ANKRD11: variants seen among roughly 807,000 people sequenced by gnomAD.
The protein encoded by ANKRD11 is ankyrin repeat domain-containing protein 11.
A neutral mutation model predicts 195.7 loss-of-function variants in ANKRD11; 17 were observed. The observed-to-expected ratio is 0.09, with a 90% CI of 0.06 to 0.13. ANKRD11 has a LOEUF of 0.13. Ranked by LOEUF, ANKRD11 falls within the 10% of genes least tolerant of loss-of-function variation. ANKRD11 has a pLI of 1.00. For synonymous variants in ANKRD11, 1,953 were observed against 1,528.1 expected, an observed-to-expected ratio of 1.28 and a Z score of -6.49; for missense variants, 3,735 against 3,566.1, an observed-to-expected ratio of 1.05 and a Z score of -1.21.
At chr16:89,414,434 C>T (rs111466470) in intron 2 of ANKRD11, among the ~76,000 whole-genome samples, 78 of 152,260 alleles carry the variant, frequency 5.1e-4, no homozygotes, top group African/African-American at 1.8e-3. Context: ...GCAGCCGCAC[C>T]GCCTGAGAGG....
chr16:89,286,888 GATT>G, intron 7 of ANKRD11: 1 of 1,289,104 alleles, frequency 7.8e-7, no homozygotes, highest in Non-Finnish European at 1.0e-6. Context: ...TCCAGTCTGA[GATT>G]AGCGCATTCA....
chr16:89,276,049 T>A (rs2033624777), intron 9 of ANKRD11, among the ~76,000 whole-genome samples: 1 of 152,086 alleles, frequency 6.6e-6, no homozygotes, highest in African/African-American at 2.4e-5. Context: ...CACACGGTAA[T>A]GGCAAGGCGG....
intron 2 of ANKRD11, among the ~76,000 whole-genome samples, chr16:89,399,344 C>T (rs962505370): frequency 1.3e-5 from 2 of 152,166 alleles, no homozygotes; most frequent in South Asian, 4.2e-4. Flanking sequence ...CAGAATATTA[C>T]CAGGCCCTGA....
At chr16:89,323,946 ATGTT>A in intron 2 of ANKRD11, 1 of 218,796 alleles carries the variant, frequency 4.6e-6, no homozygotes, top group Non-Finnish European at 9.2e-6. Flanking sequence ...TACGGTTTGA[ATGTT>A]TGTGTCGGCC....
At chr16:89,488,223 G>A (rs2057685221) in intron 1 of ANKRD11, among the ~76,000 whole-genome samples, 1 of 152,170 alleles carries the variant, frequency 6.6e-6, no homozygotes, top group Non-Finnish European at 1.5e-5. Context: ...ACAAACTTAA[G>A]AGGCATCACG....
chr16:89,445,613 T>C (rs2043750194), intron 1 of ANKRD11, among the ~76,000 whole-genome samples: 1 of 152,154 alleles, frequency 6.6e-6, no homozygotes, highest in Non-Finnish European at 1.5e-5. Flanking sequence ...GCCTGACACC[T>C]GAATTCTTAC....
In ANKRD11 at chr16:89,285,786, A is replaced by G. The variant is rs1298413428; in HGVS notation, c.893-137T>C. On this transcript the variant is annotated intron_variant, in intron 8 of 12. Coordinates refer to ENST00000301030, the MANE Select transcript of ANKRD11 (RefSeq NM_013275.6). The surrounding 1 kb of genome is among the most constrained non-coding windows in gnomAD (Gnocchi z 5.6). ...TCTGCAGAGACACTTTGCTCGACTC[A>G]TGGAAACCAGCCACAGGCAGGAGGA... The G allele has an allele frequency of 8.9e-7, 1 of 1,127,618 alleles. No individual in the cohort carries two copies. Among genetic ancestry groups the G allele is most frequent in the African/African-American group, 1.5e-5 (1 of 64,908 alleles). 69.9% of individuals were successfully genotyped at this position (1,127,618 alleles called of 1,614,324 possible).
intron 3 of ANKRD11, among the ~76,000 whole-genome samples, chr16:89,308,569 C>T (rs1337351110): frequency 6.6e-6 from 1 of 152,152 alleles, no homozygotes; most frequent in African/African-American, 2.4e-5. Flanking sequence ...ACACCAGCAC[C>T]CCCACCAGGA....
At chr16:89,340,305 T>C (rs1249100527) in intron 2 of ANKRD11, among the ~76,000 whole-genome samples, 2 of 152,228 alleles carry the variant, frequency 1.3e-5, no homozygotes, top group Non-Finnish European at 2.9e-5. Context: ...TGAGACGGAG[T>C]CTCGCTCTGT....
chr16:89,359,030 T>TA (rs1491334254), intron 2 of ANKRD11, among the ~76,000 whole-genome samples: 1 of 152,110 alleles, frequency 6.6e-6, no homozygotes, highest in Non-Finnish European at 1.5e-5. Context: ...ATACATTTCT[T>TA]ATATATGTCT....
chr16:89,271,017 G>C (rs1252134247), intron 11 of ANKRD11, 108 bp from the exon 12 acceptor site: 2 of 1,004,642 alleles, frequency 2.0e-6, no homozygotes, highest in Non-Finnish European at 3.1e-6. Context: ...GACAACCACA[G>C]GGGGAGCCTC....
At position 89,285,526 on chromosome 16, in the gene ANKRD11, G is replaced by A; in HGVS notation, c.1016C>T (p.Ala339Val). The A allele has an allele frequency of 6.2e-7, 1 of 1,613,962 alleles. No individual in the cohort carries two copies. The highest frequency in any genetic ancestry group is 8.5e-7 in the Non-Finnish European group (1 of 1,179,916). The change falls in exon 9 of 13, where the codon GCC (alanine) becomes GTC (valine). Residue 339 changes from alanine (A) to valine (V), a missense_variant. Transcript: ENST00000301030. The surrounding 1 kb of genome is among the most constrained non-coding windows in gnomAD (Gnocchi z 5.6). ...HKAKNPEPQK[A>V]TAPVKDEYEF... is the part of the protein sequence containing the mutation. Reference sequence around the variant, plus strand: ...ATACTCGTCCTTGACGGGGGCCGTGGCCTTCTGTGGCTCTGGGTTCTTGGC... The same window carrying A: ...ATACTCGTCCTTGACGGGGGCCGTGACCTTCTGTGGCTCTGGGTTCTTGGC...
chr16:89,270,796 G>A lies in ANKRD11; in HGVS notation c.7806+21C>T, dbSNP rs1016319887. 4 of 1,609,762 alleles carry A rather than the reference G, an allele frequency of 2.5e-6. No individual in the cohort carries two copies. In the East Asian group the frequency reaches 8.9e-5, roughly 36 times the overall value. On this transcript the variant is annotated intron_variant, in intron 12 of 12. Coordinates refer to ENST00000301030, the MANE Select transcript of ANKRD11 (RefSeq NM_013275.6). ...GCAGCAGCCTCCCCCAGGCAGAACTGAGGGGACGCGCAACACCGACCTTCA... is the reference window on the plus strand; with the variant it reads ...GCAGCAGCCTCCCCCAGGCAGAACTAAGGGGACGCGCAACACCGACCTTCA...
At chr16:89,304,930 C>T (rs1033495077) in intron 4 of ANKRD11, among the ~76,000 whole-genome samples, 5 of 152,230 alleles carry the variant, frequency 3.3e-5, no homozygotes, top group Non-Finnish European at 5.9e-5. Context: ...CCCCATACCT[C>T]GCCCAGGGCT....
intron 4 of ANKRD11, among the ~76,000 whole-genome samples, chr16:89,294,086 G>A (rs865911899): frequency 6.6e-6 from 1 of 152,116 alleles, no homozygotes; most frequent in South Asian, 2.1e-4. Context: ...TGGGCTCCAG[G>A]GCCTGAGCCT....
intron 3 of ANKRD11, among the ~76,000 whole-genome samples, chr16:89,307,342 G>C (rs1016578995): frequency 6.6e-6 from 1 of 152,138 alleles, no homozygotes; most frequent in South Asian, 2.1e-4. Context: ...TCCACCAAAC[G>C]TGCATCCACC....
chr16:89,375,035 T>C (rs946197740), intron 2 of ANKRD11, among the ~76,000 whole-genome samples: 1 of 152,080 alleles, frequency 6.6e-6, no homozygotes, highest in Admixed American at 6.5e-5. Flanking sequence ...TAAACGCTTA[T>C]AAATACTTAC....
chr16:89,447,055 A>C (rs1157215472), intron 1 of ANKRD11, among the ~76,000 whole-genome samples: 1 of 151,402 alleles, frequency 6.6e-6, no homozygotes, highest in Admixed American at 6.6e-5. Flanking sequence ...ATCCCTCCCC[A>C]CCCTACGAAG....
chr16:89,354,958 G>C (rs1029090952), intron 2 of ANKRD11, among the ~76,000 whole-genome samples: 1 of 152,198 alleles, frequency 6.6e-6, no homozygotes, highest in African/African-American at 2.4e-5. Flanking sequence ...GCCCCCAAAG[G>C]AGTGAGGGCA....
Sources: gnomAD v4.1 joint callset for allele counts (sites outside exome capture counted in the v4.1 genomes callset) on GRCh38, gnomAD v4.1.1 for gene constraint, Gnocchi (gnomAD v3.1) non-coding constraint, MANE v1.5 for transcripts, NCBI Gene and HGNC (gene_info 2026-07-23, HGNC 2026-07-21) for gene names.